Variants in KCNA6 observed in about 807,000 individuals in gnomAD.
The protein encoded by KCNA6 is potassium voltage-gated channel subfamily A member 6.
Under a neutral mutation model 29.5 loss-of-function variants are expected in KCNA6, and 17 were observed. The observed-to-expected ratio is 0.58, with a 90% CI of 0.39 to 0.86. The LOEUF (loss-of-function observed/expected upper bound fraction) is 0.86. KCNA6 is among the 40% of genes least tolerant of loss of function. KCNA6 has a pLI of 0.00. For synonymous variants in KCNA6, 296 were observed against 304.7 expected (o/e 0.97, Z 0.30); for missense variants, 450 against 703.4 (o/e 0.64, Z 4.07).
At chr12:4,815,364 A>G (rs554059957), downstream of KCNA6, among the ~76,000 whole-genome samples, 9 of 152,338 alleles carry the variant, frequency 5.9e-5, no homozygotes, top group African/African-American at 2.2e-4. Flanking sequence ...TGAACCTGCC[A>G]AGCAAGATGA....
chr12:4,810,752 C>T lies in KCNA6; in HGVS notation c.711C>T (p.Gly237=). Residue 237 remains glycine, a synonymous_variant, in exon 1 of 1, where the codon GGC becomes GGT. Coordinates refer to ENST00000280684, the Ensembl canonical transcript of KCNA6. This position sits in a 1 kb window ranked among gnomAD's most constrained non-coding sequence, Gnocchi z 7.5. ...ACGATTCCTACACATTTCATCATGGCATCACCCCTGGGGAAATGGGGACCG... is the reference window on the plus strand; with the variant it reads ...ACGATTCCTACACATTTCATCATGGTATCACCCCTGGGGAAATGGGGACCG... The T allele has an allele frequency of 6.2e-7, 1 of 1,606,382 alleles. No homozygotes were observed.
chr12:4,849,187 TGTA>T, the KCNA6 span, among the ~76,000 whole-genome samples: 1 of 151,830 alleles, frequency 6.6e-6, no homozygotes, highest in Non-Finnish European at 1.5e-5. Flanking sequence ...AAGAACATGC[TGTA>T]GGTGGCGCCA....
At chr12:4,849,021 G>A in the KCNA6 span, among the ~76,000 whole-genome samples, 1 of 114,162 alleles carries the variant, frequency 8.8e-6, no homozygotes, top group Non-Finnish European at 1.9e-5. Context: ...TCGGGAGGCT[G>A]AGGCAGGAGA....
the KCNA6 span, among the ~76,000 whole-genome samples, chr12:4,848,978 G>T: frequency 1.3e-5 from 2 of 151,714 alleles, no homozygotes; most frequent in East Asian, 3.9e-4. Flanking sequence ...AAATTAGCCG[G>T]GTGTGGTAGC....
At chr12:4,826,806 CT>C in the KCNA6 span, among the ~76,000 whole-genome samples, 1 of 152,208 alleles carries the variant, frequency 6.6e-6, no homozygotes, top group Non-Finnish European at 1.5e-5. Context: ...GTTGGAGTTA[CT>C]AGGTTTTCAA....
the KCNA6 span, among the ~76,000 whole-genome samples, chr12:4,846,835 A>G: frequency 7.4e-6 from 1 of 134,814 alleles, no homozygotes; most frequent in East Asian, 2.2e-4. Flanking sequence ...CTGGAGTGCC[A>G]TGGTGCTATC....
chr12:4,825,927 T>C, the KCNA6 span, among the ~76,000 whole-genome samples: 52 of 152,346 alleles, frequency 3.4e-4, no homozygotes, highest in African/African-American at 1.2e-3. Context: ...CATGGATTTT[T>C]TTACGATCAC....
At chr12:4,850,224 G>A in the KCNA6 span, among the ~76,000 whole-genome samples, 2 of 152,186 alleles carry the variant, frequency 1.3e-5, no homozygotes, top group Admixed American at 1.3e-4. This position sits in a 1 kb window ranked among gnomAD's most constrained non-coding sequence, Gnocchi z 5.4. Flanking sequence ...GGGGTAAGGA[G>A]GAGCCAGGTG....
downstream of KCNA6, among the ~76,000 whole-genome samples, chr12:4,816,229 C>G (rs1946679761): frequency 6.7e-6 from 1 of 148,784 alleles, no homozygotes; most frequent in Non-Finnish European, 1.5e-5. Context: ...CGTTGCTATT[C>G]ATGCACAATA....
At chr12:4,814,831 C>G (rs192857227), downstream of KCNA6, 58 of 167,074 alleles carry the variant, frequency 3.5e-4, no homozygotes, top group African/African-American at 1.2e-3. The surrounding 1 kb of genome is among the most constrained non-coding windows in gnomAD (Gnocchi z 4.6). Context: ...GTCCTGCAGG[C>G]AAAATTAGAA....
Position 4,810,453 on chromosome 12 carries a change from G to C in KCNA6, c.412G>C (p.Glu138Gln). The C allele has an allele frequency of 1.2e-6, 2 of 1,614,060 alleles. No homozygotes were observed. The highest frequency in any genetic ancestry group is 1.7e-6 in the Non-Finnish European group (2 of 1,179,992). ...GGCCCTGGCGGCCTTCCGGGAGGAC[G>C]AGGGCTGCCTGCCCGAAGGTGGCGA... The change falls in exon 1 of 1, where the codon GAG (glutamate) becomes CAG (glutamine). Residue 138 changes from glutamate (E) to glutamine (Q), a missense_variant. This residue lies in a region of KCNA6 where 133 missense variants were observed against 217.5 expected (regional missense o/e 0.61). Coordinates refer to ENST00000280684, the Ensembl canonical transcript of KCNA6. This position sits in a 1 kb window ranked among gnomAD's most constrained non-coding sequence, Gnocchi z 7.5.
chr12:4,843,186 T>A, the KCNA6 span, among the ~76,000 whole-genome samples: 2 of 14,072 alleles, frequency 1.4e-4, no homozygotes, highest in Non-Finnish European at 4.1e-4. Flanking sequence ...AATTCTTTAC[T>A]TTTTTTTTTT....
At chr12:4,828,906 C>T in the KCNA6 span, among the ~76,000 whole-genome samples, 15 of 152,174 alleles carry the variant, frequency 9.9e-5, no homozygotes, top group East Asian at 3.9e-4. Context: ...AATGCTAGAA[C>T]GGAGTAATGC....
At position 4,810,067 on chromosome 12, in the gene KCNA6, T is replaced by G. The variant is rs1051035959; in HGVS notation, c.26T>G (p.Leu9Arg). 1 of 1,544,616 alleles carries G rather than the reference T, an allele frequency of 6.5e-7. No individual in the cohort carries two copies. The highest frequency in any genetic ancestry group is 8.7e-7 in the Non-Finnish European group (1 of 1,149,126). The change falls in exon 1 of 1, where the codon CTG becomes CGG. Residue 9 changes from leucine to arginine, a missense_variant. Transcript: ENST00000280684. The surrounding 1 kb of genome is among the most constrained non-coding windows in gnomAD (Gnocchi z 7.5). ...ATGAGATCGGAGAAATCCCTTACGC[T>G]GGCGGCGCCGGGGGAGGTCCGTGGG...
chr12:4,846,329 A>C, the KCNA6 span, among the ~76,000 whole-genome samples: 1 of 152,104 alleles, frequency 6.6e-6, no homozygotes. Flanking sequence ...ATGGAAGATA[A>C]GGATTTAGCT....
chr12:4,843,021 C>T, the KCNA6 span, among the ~76,000 whole-genome samples: 3 of 151,912 alleles, frequency 2.0e-5, no homozygotes, highest in Admixed American at 6.6e-5. Flanking sequence ...ACTTGGGAAT[C>T]AATTGGAGGT....
chr12:4,825,151 T>C, the KCNA6 span, among the ~76,000 whole-genome samples: 3 of 152,184 alleles, frequency 2.0e-5, no homozygotes, highest in African/African-American at 7.2e-5. Flanking sequence ...TAAACTTCCT[T>C]CCTCCTGTTT....
chr12:4,827,426 T>C, the KCNA6 span, among the ~76,000 whole-genome samples: 1 of 152,288 alleles, frequency 6.6e-6, no homozygotes, highest in Admixed American at 6.5e-5. Flanking sequence ...GGGAAAATGC[T>C]GGGCAAGAAA....
At position 4,810,275 on chromosome 12, in the gene KCNA6, C is replaced by T. The variant is rs781035259; in HGVS notation, c.234C>T (p.Asp78=). ...CTGGCCGGCGAGTCCGCTTCTTCGA[C>T]CCCCTGAGGAACGAGTACTTCTTCG... Residue 78 remains aspartate (D), a synonymous_variant, in exon 1 of 1, where the codon GAC becomes GAT. Transcript: ENST00000280684. This position sits in a 1 kb window ranked among gnomAD's most constrained non-coding sequence, Gnocchi z 7.5. 1 of 1,614,058 alleles carries T rather than the reference C, an allele frequency of 6.2e-7. No individual in the cohort carries two copies. Among genetic ancestry groups the T allele is most frequent in the South Asian group, 1.1e-5 (1 of 91,080 alleles).
Sources: gnomAD v4.1 joint callset for allele counts (sites outside exome capture counted in the v4.1 genomes callset) on GRCh38, gnomAD v4.1.1 for gene constraint, gnomAD v4.1.1 regional missense constraint, Gnocchi (gnomAD v3.1) non-coding constraint, MANE v1.5 for transcripts, NCBI Gene and HGNC (gene_info 2026-07-23, HGNC 2026-07-21) for gene names.